The following COG6 variants were observed in gnomAD, a reference collection of about 807,000 sequenced individuals.
The protein encoded by COG6 is component of oligomeric golgi complex 6.
COG6 carries 74 observed loss-of-function variants against 88.8 expected under a neutral mutation model. The ratio of observed to expected loss-of-function variants is 0.83; its 90% confidence interval spans 0.69 to 1.01. The LOEUF (loss-of-function observed/expected upper bound fraction) is 1.01. COG6 is among the 50% of genes least tolerant of loss of function. COG6 has a pLI of 0.00. For missense variants in COG6, 800 were observed against 797.9 expected (o/e 1.00, Z -0.03); for synonymous variants, 286 against 278.7 (o/e 1.03, Z -0.26).
chr13:39,723,335 C>G lies in COG6; in HGVS notation c.1587C>G (p.Ile529Met), dbSNP rs756253977. The G allele has an allele frequency of 6.3e-7, 1 of 1,592,602 alleles. No individual in the cohort carries two copies. Among genetic ancestry groups the G allele is most frequent in the Non-Finnish European group, 8.6e-7 (1 of 1,160,976 alleles). ...GTTTTCTTTGTGTTTTATTTTAGAT[C>G]GAAGCACATTTGGACACACTTATAA... ...DRRLEMLQFQ[I>M]EAHLDTLINE... The change falls in exon 16 of 19, where the codon ATC (isoleucine) becomes ATG (methionine). Residue 529 changes from isoleucine to methionine, a missense_variant and splice_region_variant. Transcript: ENST00000455146.
At chr13:39,768,924 A>G (rs1010601289) in intron 18 of COG6, among the ~76,000 whole-genome samples, 1 of 152,086 alleles carries the variant, frequency 6.6e-6, no homozygotes, top group Non-Finnish European at 1.5e-5. Context: ...TTAAGGTTTT[A>G]TCACATATGT....
At position 39,752,416 on chromosome 13, in the gene COG6, G is replaced by A. The variant is rs1263720584; in HGVS notation, c.*1323G>A. The A allele has an allele frequency of 2.9e-6, 3 of 1,020,290 alleles. No homozygotes were observed. The highest frequency in any genetic ancestry group is 3.9e-6 in the Non-Finnish European group (3 of 766,246). The allele number at this position is 1,020,290 out of a possible 1,614,324, so 63.2% of individuals were successfully genotyped here. A position where few individuals can be genotyped will look rare whatever the true frequency, so the allele number is the denominator to read the frequency against. On this transcript the variant is annotated 3_prime_UTR_variant, in exon 19 of 19. Transcript: ENST00000455146. Reference sequence around the variant, plus strand: ...GATTATATAATCGTTATCCATTTGGGTATAAATCTGTATTTTTAGTTTTTT... The same window carrying A: ...GATTATATAATCGTTATCCATTTGGATATAAATCTGTATTTTTAGTTTTTT...
At chr13:39,706,243 ATATATACTCCTT>A (rs1325009735) in intron 13 of COG6, among the ~76,000 whole-genome samples, 28 of 98,642 alleles carry the variant, frequency 2.8e-4, no homozygotes, top group South Asian at 2.1e-3. Flanking sequence ...CTTTATATAT[ATATATACTCCTT>A]TATATATATA....
chr13:39,656,044 G>T (rs1874466282), intron 1 of COG6, 165 bp downstream of exon 1: 3 of 873,840 alleles, frequency 3.4e-6, no homozygotes, highest in African/African-American at 1.7e-5. Flanking sequence ...CGCCGGGGGC[G>T]GTGAGAAGGG....
chr13:39,679,615 G>C lies in COG6; in HGVS notation c.618G>C (p.Thr206=), dbSNP rs147738794. 1 of 1,589,070 alleles carries C rather than the reference G, an allele frequency of 6.3e-7. No individual in the cohort carries two copies. Among genetic ancestry groups the C allele is most frequent in the Admixed American group, 1.7e-5 (1 of 59,950 alleles). The stretch of plus-strand genomic sequence containing the variant: ...TTCTCTTGCGTACAAATCAACAAAC[G>C]GCAGGGTGAGTAACTGCTCACTGAA... ...VKVLLRTNQQ[T]AGLEIMEQMA... The change falls in exon 6 of 19, where the codon ACG becomes ACC. Residue 206 remains threonine, a synonymous_variant. Coordinates refer to ENST00000455146, the MANE Select transcript of COG6 (RefSeq NM_020751.3).
At chr13:39,724,183 T>C (rs1048943107) in intron 16 of COG6, among the ~76,000 whole-genome samples, 4 of 152,044 alleles carry the variant, frequency 2.6e-5, no homozygotes, top group African/African-American at 9.7e-5. Flanking sequence ...TTTCTAAAAG[T>C]ATCAAAGTGA....
Position 39,709,269 on chromosome 13 carries a change from G to T in COG6, c.1284+9651G>T, listed in dbSNP as rs369618432. 1.6e-4 allele frequency among the ~76,000 whole-genome samples: 24 copies of T among 152,202 alleles called. No individual in the cohort carries two copies. In the South Asian group the frequency reaches 4.8e-3, roughly 30 times the overall value. ...CCTGGTGGATGTTCCATACATAATA[G>T]TTCCTTTTAACATTTTCCTTTTATT... On this transcript the variant is annotated intron_variant, in intron 13 of 18. Coordinates refer to ENST00000455146, the MANE Select transcript of COG6 (RefSeq NM_020751.3).
chr13:39,695,654 G>C (rs1003413121), intron 12 of COG6, among the ~76,000 whole-genome samples: 1 of 151,736 alleles, frequency 6.6e-6, no homozygotes, highest in Middle Eastern at 3.2e-3. Flanking sequence ...TAGTGACAGA[G>C]AGTAGCCACC....
In COG6 at chr13:39,718,753, A is replaced by G. The variant is rs540237967; in HGVS notation, c.1285-483A>G. Among the ~76,000 whole-genome samples the G allele has an allele frequency of 1.6e-3, 243 of 152,206 alleles. 1 individual carries two copies. The highest frequency in any genetic ancestry group is 4.4e-3 in the Admixed American group (67 of 15,256). On this transcript the variant is annotated intron_variant, in intron 13 of 18. Coordinates refer to ENST00000455146, the MANE Select transcript of COG6 (RefSeq NM_020751.3). ...GGGACCCATGGGTTACCTTCTTGAG[A>G]GACTCCTGGGGTGCTTGTTGAACTG...
intron 15 of COG6, among the ~76,000 whole-genome samples, chr13:39,720,603 A>G (rs902734605): frequency 6.6e-6 from 1 of 152,036 alleles, no homozygotes; most frequent in Non-Finnish European, 1.5e-5. Context: ...TTTAAAGTCA[A>G]ATAATTCTAC....
intron 8 of COG6, among the ~76,000 whole-genome samples, chr13:39,683,082 C>A (rs961790879): frequency 1.3e-5 from 2 of 152,098 alleles, no homozygotes; most frequent in African/African-American, 4.8e-5. Context: ...AACACAAATG[C>A]TGAACAGCTG....
At chr13:39,778,540 G>A (rs1398291072) in intron 18 of COG6, among the ~76,000 whole-genome samples, 1 of 152,218 alleles carries the variant, frequency 6.6e-6, no homozygotes, top group Non-Finnish European at 1.5e-5. Context: ...GTAACGTGTA[G>A]ATTCTGCCTT....
intron 8 of COG6, among the ~76,000 whole-genome samples, chr13:39,683,402 A>G (rs1428079647): frequency 6.6e-6 from 1 of 152,194 alleles, no homozygotes; most frequent in Non-Finnish European, 1.5e-5. Context: ...AAGGAAGAAC[A>G]GTTTGCAGGT....
intron 18 of COG6, among the ~76,000 whole-genome samples, 197 bp from the exon 19 acceptor site, chr13:39,750,749 A>C (rs756913824): frequency 4.6e-5 from 7 of 152,216 alleles, no homozygotes; most frequent in Non-Finnish European, 1.0e-4. Context: ...AGAAAGATTT[A>C]ATAAATAATG....
At chr13:39,705,493 A>T (rs951607268) in intron 13 of COG6, among the ~76,000 whole-genome samples, 2 of 152,112 alleles carry the variant, frequency 1.3e-5, no homozygotes. Context: ...ATACTGCAAA[A>T]GACACAATGT....
chr13:39,755,778 T>C (rs1880815235), downstream of COG6, among the ~76,000 whole-genome samples: 1 of 152,228 alleles, frequency 6.6e-6, no homozygotes, highest in Non-Finnish European at 1.5e-5. Context: ...CACAGAGTCC[T>C]TCAGCAAAGA....
intron 4 of COG6, among the ~76,000 whole-genome samples, chr13:39,672,566 TC>T: frequency 6.6e-6 from 1 of 152,198 alleles, no homozygotes; most frequent in Non-Finnish European, 1.5e-5. Flanking sequence ...TTAAGATTCA[TC>T]CATGTTACTT....
At chr13:39,711,742 A>G (rs1415097004) in intron 13 of COG6, among the ~76,000 whole-genome samples, 1 of 152,240 alleles carries the variant, frequency 6.6e-6, no homozygotes, top group African/African-American at 2.4e-5. Context: ...CATTTTGAAG[A>G]TAGAAATATA....
At chr13:39,680,115 C>A in intron 7 of COG6, 70 bp downstream of exon 7, 1 of 867,374 alleles carries the variant, frequency 1.2e-6, no homozygotes, top group South Asian at 1.5e-5. Context: ...TTTACTTGGT[C>A]TTTATTTGAT....
Sources: allele counts gnomAD v4.1 joint callset (sites outside exome capture counted in the v4.1 genomes callset), GRCh38; gene constraint gnomAD v4.1.1; transcripts MANE v1.5; gene names NCBI Gene and HGNC (gene_info 2026-07-23, HGNC 2026-07-21).